Variants in TUSC3 observed in about 807,000 individuals in gnomAD.
TUSC3 encodes the protein tumor suppressor candidate 3.
Under a neutral mutation model 44.8 loss-of-function variants are expected in TUSC3, and 45 were observed. That is an observed-to-expected ratio of 1.00 (90% CI 0.79 to 1.29). TUSC3 has a LOEUF of 1.29. Ranked by LOEUF, TUSC3 falls within the 50% of genes most tolerant of loss-of-function variation. The pLI, the probability that TUSC3 is intolerant of heterozygous loss-of-function variation, is 0.00. For missense variants in TUSC3, 519 were observed against 437.9 expected, an observed-to-expected ratio of 1.19 and a Z score of -1.65; for synonymous variants, 212 against 152.9, an observed-to-expected ratio of 1.39 and a Z score of -2.85.
chr8:15,843,621 T>TATATATATATAC, the TUSC3 span, among the ~76,000 whole-genome samples: 10 of 146,730 alleles, frequency 6.8e-5, 1 homozygote, highest in African/African-American at 2.4e-4. Context: ...TATATATATA[T>TATATATATATAC]ACACGCACAT....
intron 1 of TUSC3, among the ~76,000 whole-genome samples, chr8:15,549,774 A>G (rs1387986638): frequency 1.3e-5 from 2 of 151,280 alleles, no homozygotes; most frequent in Non-Finnish European, 3.0e-5. Context: ...TTTCCTGTAC[A>G]TTTTTCCTCT....
the TUSC3 span, among the ~76,000 whole-genome samples, chr8:15,798,651 G>GTGT: frequency 0.077 from 10,102 of 130,592 alleles, 615 homozygotes; most frequent in East Asian, 0.31. Flanking sequence ...TGGGTGTGTG[G>GTGT]GGGGGGTCCT....
intron 2 of TUSC3, among the ~76,000 whole-genome samples, chr8:15,632,288 A>T (rs1160480371): frequency 6.6e-6 from 1 of 152,060 alleles, no homozygotes; most frequent in African/African-American, 2.4e-5. Context: ...GAATCCAAGC[A>T]ACTTGCCTTT....
intron 1 of TUSC3, among the ~76,000 whole-genome samples, chr8:15,471,002 T>G (rs146415648): frequency 3.3e-5 from 5 of 152,242 alleles, no homozygotes; most frequent in East Asian, 3.9e-4. Context: ...GGTCAAAATT[T>G]CATCAAGTAG....
the TUSC3 span, among the ~76,000 whole-genome samples, chr8:15,819,733 G>C: frequency 4.6e-5 from 7 of 152,284 alleles, no homozygotes; most frequent in African/African-American, 1.7e-4. Flanking sequence ...ATCTCTTGTA[G>C]AAAGATGATG....
At chr8:15,620,246 A>C (rs180727376) in intron 1 of TUSC3, among the ~76,000 whole-genome samples, 16 of 152,318 alleles carry the variant, frequency 1.1e-4, no homozygotes, top group Admixed American at 4.6e-4. Context: ...TTAGACTTTC[A>C]CACTGATATA....
intron 1 of TUSC3, among the ~76,000 whole-genome samples, chr8:15,425,452 CGAGA>C (rs1799791869): frequency 2.0e-5 from 3 of 152,032 alleles, no homozygotes; most frequent in Admixed American, 2.0e-4. Flanking sequence ...ACTTCTGGAC[CGAGA>C]GAGAGAAAGA....
chr8:15,532,040 A>G (rs528426419), intron 2 of TUSC3, among the ~76,000 whole-genome samples: 1 of 152,318 alleles, frequency 6.6e-6, no homozygotes, highest in East Asian at 1.9e-4. Flanking sequence ...GGCTTGATAA[A>G]ATTGTCAGTG....
chr8:15,665,781 A>C (rs1295597644), intron 5 of TUSC3, among the ~76,000 whole-genome samples: 1 of 151,364 alleles, frequency 6.6e-6, no homozygotes. Flanking sequence ...TCTTAGTTTT[A>C]AAAAAGAGCT....
rs60092911 is a variant in TUSC3, at chr8:15,483,649, A to ATTTTTTTTTTT, written n.189+180_189+190dup. On this transcript the variant is annotated intron_variant and non_coding_transcript_variant, in intron 2 of 5. Coordinates refer to the TUSC3 transcript ENST00000503191. ...CCGTCGTGCCCAGCCTAGCACTGTG[A>ATTTTTTTTTTT]TTTTTTTTTTTTTTTTTTTTTTTTG... Among the ~76,000 whole-genome samples the ATTTTTTTTTTT allele has an allele frequency of 6.7e-4, 44 of 66,158 alleles. 3 individuals carry two copies. The highest frequency in any genetic ancestry group is 2.0e-3 in the South Asian group (3 of 1,506). 43.4% of individuals were successfully genotyped at this position (66,158 alleles called of 152,430 possible).
chr8:15,423,685 C>A (rs1167341653), intron 1 of TUSC3, among the ~76,000 whole-genome samples: 1 of 152,116 alleles, frequency 6.6e-6, no homozygotes, highest in Non-Finnish European at 1.5e-5. Flanking sequence ...TCTTGATCCT[C>A]CTAAAGCGGG....
the TUSC3 span, among the ~76,000 whole-genome samples, chr8:15,834,500 T>G: frequency 6.6e-6 from 1 of 152,170 alleles, no homozygotes; most frequent in Non-Finnish European, 1.5e-5. Flanking sequence ...ACAGGTATGT[T>G]TCAACATTAT....
At chr8:15,622,170 T>TG (rs1176714809) in intron 1 of TUSC3, among the ~76,000 whole-genome samples, 1 of 152,166 alleles carries the variant, frequency 6.6e-6, no homozygotes, top group Non-Finnish European at 1.5e-5. Flanking sequence ...CGCTTATACT[T>TG]GCTTGGTTTT....
chr8:15,739,926 A>T (rs1000193991), intron 7 of TUSC3, among the ~76,000 whole-genome samples: 22 of 133,194 alleles, frequency 1.7e-4, no homozygotes, highest in African/African-American at 5.6e-4. Context: ...CCTTGTTTGT[A>T]AACAGATGGT....
intron 3 of TUSC3, among the ~76,000 whole-genome samples, chr8:15,652,082 A>T (rs1806936776): frequency 1.3e-5 from 2 of 152,198 alleles, no homozygotes; most frequent in South Asian, 4.1e-4. Context: ...AGCCTTAATC[A>T]TGCTGTTACC....
intron 6 of TUSC3, among the ~76,000 whole-genome samples, chr8:15,709,911 T>A (rs1484415922): frequency 6.6e-6 from 1 of 151,870 alleles, no homozygotes; most frequent in Non-Finnish European, 1.5e-5. Flanking sequence ...AAATTCAGCT[T>A]CCTAAATTGA....
At chr8:15,676,868 A>G (rs1268974863) in intron 6 of TUSC3, among the ~76,000 whole-genome samples, 1 of 152,180 alleles carries the variant, frequency 6.6e-6, no homozygotes, top group Non-Finnish European at 1.5e-5. Flanking sequence ...ACCCCAAAGA[A>G]GGATTTTCTT....
At chr8:15,790,866 G>A in the TUSC3 span, among the ~76,000 whole-genome samples, 8 of 152,118 alleles carry the variant, frequency 5.3e-5, no homozygotes, top group Non-Finnish European at 1.0e-4. Context: ...ACAACTGTGG[G>A]GTTCGTATCC....
At chr8:15,458,074 T>G (rs1259133469) in intron 1 of TUSC3, among the ~76,000 whole-genome samples, 1 of 152,020 alleles carries the variant, frequency 6.6e-6, no homozygotes, top group Admixed American at 6.6e-5. Flanking sequence ...GCGTTAACAT[T>G]ATATCAACAG....
Sources: gnomAD v4.1 joint callset for allele counts (sites outside exome capture counted in the v4.1 genomes callset) on GRCh38, gnomAD v4.1.1 for gene constraint, MANE v1.5 for transcripts, NCBI Gene and HGNC (gene_info 2026-07-23, HGNC 2026-07-21) for gene names.